The following AR variants were observed in gnomAD, a reference collection of about 807,000 sequenced individuals.
AR encodes androgen receptor.
A neutral mutation model predicts 53.9 loss-of-function variants in AR; 8 were observed. The observed-to-expected ratio is 0.15, with a 90% CI of 0.09 to 0.27. The LOEUF is 0.27. AR is among the 10% of genes least tolerant of loss of function. The pLI is 1.00. For missense variants in AR, 639 were observed against 742.5 expected (o/e 0.86, Z 1.62); for synonymous variants, 359 against 316.4 (o/e 1.13, Z -1.43).
chrX:67,608,647 A>G (rs1923739383), intron 1 of AR, among the ~76,000 whole-genome samples: 1 of 112,222 alleles, frequency 8.9e-6, no homozygotes, highest in Non-Finnish European at 1.9e-5. Context: ...AGTGTTTTTA[A>G]AAGATTTAAA....
At position 67,565,232 on chromosome X, in the gene AR, T is replaced by G. The variant is rs144027644; in HGVS notation, c.1616+18470T>G. 7.0e-3 allele frequency among the ~76,000 whole-genome samples: 779 copies of G among 111,819 alleles called. 5 individuals carry two copies. The highest frequency in any genetic ancestry group is 0.024 in the African/African-American group (742 of 30,720). ...ATGCTTTCTGGATGACTTTAAAAGATTGGTATTAAGATATTTTATCAGTGG... is the reference window on the plus strand; with the variant it reads ...ATGCTTTCTGGATGACTTTAAAAGAGTGGTATTAAGATATTTTATCAGTGG... On this transcript the variant is annotated intron_variant, in intron 1 of 7. Coordinates refer to ENST00000374690, the MANE Select transcript of AR (RefSeq NM_000044.6).
chrX:67,560,109 C>T (rs1921230858), intron 1 of AR, among the ~76,000 whole-genome samples: 1 of 111,557 alleles, frequency 9.0e-6, no homozygotes, highest in Non-Finnish European at 1.9e-5. Context: ...GCTAGATTGA[C>T]TCAAAATATG....
At position 67,724,131 on chromosome X, in the gene AR, G is replaced by GTGAT. The variant is rs1385989210; in HGVS notation, c.*291_*294dup. The GTGAT allele has an allele frequency of 2.8e-6, 1 of 351,614 alleles. No individual in the cohort carries two copies. The highest frequency in any genetic ancestry group is 5.0e-6 in the Non-Finnish European group (1 of 201,586). 29.0% of individuals were successfully genotyped at this position (351,614 alleles called of 1,213,427 possible). On this transcript the variant is annotated 3_prime_UTR_variant, in exon 8 of 8. Coordinates refer to ENST00000374690, the MANE Select transcript of AR (RefSeq NM_000044.6). ...AATGGTGTTGTATGCCTTTAAATCTGTGATGATCCTCATATGGCCCAGTGT... is the reference window on the plus strand; with the variant it reads ...AATGGTGTTGTATGCCTTTAAATCTGTGATTGATGATCCTCATATGGCCCAGTGT...
Position 67,723,973 on chromosome X carries a change from C to A in AR, c.*132C>A. ...CTATTGATGTACAGTCTGTCATGAA[C>A]ATGTTCCTGAATTCTATTTGCTGGG... On this transcript the variant is annotated 3_prime_UTR_variant, in exon 8 of 8. Coordinates refer to ENST00000374690, the MANE Select transcript of AR (RefSeq NM_000044.6). 1 of 889,078 alleles carries A rather than the reference C, an allele frequency of 1.1e-6. No homozygotes were observed. Among genetic ancestry groups the A allele is most frequent in the Non-Finnish European group, 1.6e-6 (1 of 631,326 alleles). 73.3% of individuals were successfully genotyped at this position (889,078 alleles called of 1,213,427 possible). A position where few individuals can be genotyped will look rare whatever the true frequency, so the allele number is the denominator to read the frequency against.
intron 3 of AR, among the ~76,000 whole-genome samples, chrX:67,700,337 T>C (rs776715248): frequency 8.4e-4 from 94 of 111,523 alleles, no homozygotes; most frequent in Non-Finnish European, 1.5e-3. Context: ...GGGGCTCAGG[T>C]GCAGAGGGCA....
rs2147320618 is a variant in AR, at chrX:67,546,327, A to C, written c.1181A>C (p.Asp394Ala). 8.4e-7 allele frequency: 1 copy of C among 1,195,406 alleles called. No individual in the cohort carries two copies. The highest frequency in any genetic ancestry group is 1.1e-6 in the Non-Finnish European group (1 of 887,990). ...HARIKLENPL[D>A]YGSAWAAAAA... ...CGCATCAAGCTGGAGAACCCGCTGG[A>C]CTACGGCAGCGCCTGGGCGGCTGCG... The change falls in exon 1 of 8, where the codon GAC becomes GCC. Residue 394 changes from aspartate (D) to alanine (A), a missense_variant. Physicochemically the swap from Asp to Ala is moderately radical, Grantham distance 126. Transcript: ENST00000374690.
chrX:67,639,967 G>GCT (rs1925659090), intron 1 of AR, among the ~76,000 whole-genome samples: 1 of 111,240 alleles, frequency 9.0e-6, no homozygotes, highest in Non-Finnish European at 1.9e-5. Context: ...GTCATAAATA[G>GCT]CTCTTATTAT....
intron 3 of AR, among the ~76,000 whole-genome samples, chrX:67,692,508 C>T (rs1028830820): frequency 1.8e-5 from 2 of 111,926 alleles, no homozygotes; most frequent in African/African-American, 6.5e-5. Flanking sequence ...TTAAGATGTC[C>T]TGTGGTATAG....
At position 67,570,125 on chromosome X, in the gene AR, G is replaced by A. The variant is rs765565349; in HGVS notation, c.1616+23363G>A. Among the ~76,000 whole-genome samples the A allele has an allele frequency of 1.3e-4, 15 of 112,209 alleles. No homozygotes were observed. In the South Asian group the frequency reaches 5.6e-3, roughly 42 times the overall value. On this transcript the variant is annotated intron_variant, in intron 1 of 7. Transcript: ENST00000374690. ...GCAGAACTGTCTGTGTTTGCAGTCA[G>A]TTGTGTTGGCTGTCCCTGTGTTTGT...
At chrX:67,703,069 C>T (rs916671344) in intron 3 of AR, among the ~76,000 whole-genome samples, 1 of 111,166 alleles carries the variant, frequency 9.0e-6, no homozygotes, top group African/African-American at 3.3e-5. Flanking sequence ...AGAGGAAGAT[C>T]CTCCTTCAAA....
rs1223399786 is a variant in AR, at chrX:67,598,283, G to GTT, written c.1617-44957_1617-44956dup. Among the ~76,000 whole-genome samples, 66 of 94,884 alleles carry GTT rather than the reference G, an allele frequency of 7.0e-4. No homozygotes were observed. In the East Asian group the frequency reaches 7.4e-3, roughly 11 times the overall value. 82.4% of individuals were successfully genotyped at this position (94,884 alleles called of 115,157 possible). A position where few individuals can be genotyped will look rare whatever the true frequency, so the allele number is the denominator to read the frequency against. On this transcript the variant is annotated intron_variant, in intron 1 of 7. Transcript: ENST00000374690. ...TGCTTTTGTGGCACTTTGTAGCAAT[G>GTT]TTTTTTTTTTTTTTTTTGAGACGGA...
intron 4 of AR, 91 bp downstream of exon 4, chrX:67,711,780 G>T (rs1483852653): frequency 9.5e-6 from 9 of 946,026 alleles, no homozygotes; most frequent in Non-Finnish European, 1.3e-5. Flanking sequence ...GTGCTTTTCT[G>T]CCCATTAACT....
chrX:67,591,373 T>G (rs1184425102), intron 1 of AR, among the ~76,000 whole-genome samples: 1 of 110,151 alleles, frequency 9.1e-6, no homozygotes, highest in African/African-American at 3.3e-5. Flanking sequence ...AAAAAGGAGT[T>G]TAGAGGTAAC....
chrX:67,726,971 G>A lies in AR; in HGVS notation c.*3130G>A, dbSNP rs1228610546. On this transcript the variant is annotated 3_prime_UTR_variant, in exon 8 of 8. Transcript: ENST00000374690. ...TGGCAGTGCTCGATGTGGACGAAGA[G>A]TGAGGAAGAGAAAAAGAAGGAGCAC... The A allele has an allele frequency of 1.2e-5, 2 of 172,236 alleles. No homozygotes were observed. The highest frequency in any genetic ancestry group is 2.9e-5 in the African/African-American group (1 of 33,957). 14.2% of individuals were successfully genotyped at this position (172,236 alleles called of 1,213,427 possible).
intron 1 of AR, among the ~76,000 whole-genome samples, chrX:67,611,079 T>C: frequency 8.9e-6 from 1 of 111,968 alleles, no homozygotes; most frequent in Non-Finnish European, 1.9e-5. Flanking sequence ...TATATAATTG[T>C]TAGTATAATT....
At chrX:67,661,741 T>C (rs4446868) in intron 2 of AR, among the ~76,000 whole-genome samples, 1 of 110,233 alleles carries the variant, frequency 9.1e-6, no homozygotes. Context: ...TTTTTCTATT[T>C]ATTGGAATAG....
In AR at chrX:67,730,430, C is replaced by A; in HGVS notation, c.*6589C>A. Reference sequence around the variant, plus strand: ...ATGTGTGACTTTGGGTCTGTCTCTGCCTCTGCTTTCAGAAATGTCATCCAT... The same window carrying A: ...ATGTGTGACTTTGGGTCTGTCTCTGACTCTGCTTTCAGAAATGTCATCCAT... On this transcript the variant is annotated 3_prime_UTR_variant, in exon 8 of 8. Transcript: ENST00000374690. The A allele has an allele frequency of 5.8e-6, 1 of 173,479 alleles. No homozygotes were observed. 14.3% of individuals were successfully genotyped at this position (173,479 alleles called of 1,213,427 possible).
rs2147315969 is a variant in AR, at chrX:67,545,505, A to G, written c.359A>G (p.Gln120Arg). ...LDEEQQPSQP[Q>R]SALECHPERG... ...GAGGAACAGCAACCTTCACAGCCGC[A>G]GTCGGCCCTGGAGTGCCACCCCGAG... The change falls in exon 1 of 8, where the codon CAG (glutamine) becomes CGG (arginine). Residue 120 changes from glutamine to arginine, a missense_variant. Gln to Arg is a conservative substitution (Grantham distance 43, BLOSUM62 1). Coordinates refer to ENST00000374690, the MANE Select transcript of AR (RefSeq NM_000044.6). 1 of 1,194,008 alleles carries G rather than the reference A, an allele frequency of 8.4e-7. No homozygotes were observed. The highest frequency in any genetic ancestry group is 2.3e-5 in the Admixed American group (1 of 43,887).
At chrX:67,563,257 G>C (rs1027783413) in intron 1 of AR, among the ~76,000 whole-genome samples, 8 of 111,485 alleles carry the variant, frequency 7.2e-5, no homozygotes, top group Non-Finnish European at 1.3e-4. Context: ...TATGTTGACC[G>C]ATGTTCAGGA....
Sources: gnomAD v4.1 joint callset for allele counts (sites outside exome capture counted in the v4.1 genomes callset) on GRCh38, gnomAD v4.1.1 for gene constraint, MANE v1.5 for transcripts, NCBI Gene and HGNC (gene_info 2026-07-23, HGNC 2026-07-21) for gene names.